KCNQ2: variants seen among roughly 807,000 people sequenced by gnomAD.
KCNQ2 encodes potassium voltage-gated channel subfamily Q member 2.
In KCNQ2, 14 loss-of-function variants were observed where a neutral mutation model predicts 84.8. That is an observed-to-expected ratio of 0.17 (90% CI 0.11 to 0.26). The LOEUF is 0.26. Among genes scored for constraint, KCNQ2 ranks in the 10% least tolerant of loss-of-function variants. The pLI is 1.00. For missense variants in KCNQ2, 788 were observed against 1,254.0 expected (o/e 0.63, Z 5.61); for synonymous variants, 599 against 554.1 (o/e 1.08, Z -1.14).
Position 63,414,005 on chromosome 20 carries a change from C to A in KCNQ2, c.1631+83G>T, listed in dbSNP as rs2080206339. The A allele has an allele frequency of 1.9e-6, 2 of 1,046,652 alleles. No individual in the cohort carries two copies. The highest frequency in any genetic ancestry group is 1.7e-5 in the Admixed American group (1 of 57,710). 64.8% of individuals were successfully genotyped at this position (1,046,652 alleles called of 1,614,324 possible). On this transcript the variant is annotated intron_variant, in intron 14 of 16. Coordinates refer to ENST00000359125, the MANE Select transcript of KCNQ2 (RefSeq NM_172107.4). This position sits in a 1 kb window ranked among gnomAD's most constrained non-coding sequence, Gnocchi z 6.6. ...GTCTCTGGGCGGCTCTGTCCAGCAC[C>A]ATGAGCACCGGCAGCAGGCAGGACC...
Position 63,472,287 on chromosome 20 carries a change from C to T in KCNQ2, c.177G>A (p.Ala59=). 1 of 1,538,390 alleles carries T rather than the reference C, an allele frequency of 6.5e-7. No individual in the cohort carries two copies. Among genetic ancestry groups the T allele is most frequent in the Non-Finnish European group, 8.8e-7 (1 of 1,142,480 alleles). The change falls in exon 1 of 17, where the codon GCG becomes GCA. Residue 59 remains alanine (A), a synonymous_variant. Coordinates refer to ENST00000359125, the MANE Select transcript of KCNQ2 (RefSeq NM_172107.4). The part of the protein sequence containing the change: ...KRGSILSKPR[A]GGAGAGKPPK... Reference sequence around the variant, plus strand: ...GGGGCTTCCCGGCGCCCGCGCCGCCCGCGCGAGGTTTGCTGAGGATGCTGC... The same window carrying T: ...GGGGCTTCCCGGCGCCCGCGCCGCCTGCGCGAGGTTTGCTGAGGATGCTGC...
In KCNQ2 at chr20:63,424,200, G is replaced by A. The variant is rs1060503977; in HGVS notation, c.1224C>T (p.Asp408=). The part of the protein sequence containing the change: ...KSKSGLAFRK[D]PPPEPSPSKG... The stretch of plus-strand genomic sequence containing the variant: ...ACCTTGGAGACGGCTCCGGCGGGGG[G>A]TCCTTCCTTCAAACAGAAGCAACAG... The change falls in exon 11 of 17, where the codon GAC becomes GAT. Residue 408 remains aspartate (D), a synonymous_variant. Coordinates refer to ENST00000359125, the MANE Select transcript of KCNQ2 (RefSeq NM_172107.4). The A allele has an allele frequency of 1.9e-6, 3 of 1,555,582 alleles. No homozygotes were observed. The highest frequency in any genetic ancestry group is 1.4e-5 in the African/African-American group (1 of 73,708).
At chr20:63,449,913 C>T (rs1039345159) in intron 1 of KCNQ2, among the ~76,000 whole-genome samples, 5 of 152,118 alleles carry the variant, frequency 3.3e-5, no homozygotes, top group South Asian at 2.1e-4. Flanking sequence ...AATTGGAGCA[C>T]GTAATTGGGC....
intron 2 of KCNQ2, 41 bp from the exon 3 acceptor site, chr20:63,445,405 G>A (rs1340892873): frequency 3.1e-6 from 5 of 1,609,548 alleles, no homozygotes. Flanking sequence ...AGGCCTGGGG[G>A]AGGGCCTGGG....
Position 63,454,689 on chromosome 20 carries a change from C to T in KCNQ2, c.297-7852G>A, listed in dbSNP as rs568199819. Among the ~76,000 whole-genome samples the T allele has an allele frequency of 2.6e-5, 4 of 152,378 alleles. No homozygotes were observed. In the East Asian group the frequency reaches 7.7e-4, roughly 29 times the overall value. On this transcript the variant is annotated intron_variant, in intron 1 of 16. Coordinates refer to ENST00000359125, the MANE Select transcript of KCNQ2 (RefSeq NM_172107.4). ...CATCTTAGAGAAGGGGAAACTGAGG[C>T]TCACTGAGGCAGGTGAGGGCCTCTG...
intron 1 of KCNQ2, 66 bp downstream of exon 1, chr20:63,472,102 T>C (rs2082230598): frequency 1.6e-6 from 2 of 1,223,282 alleles, no homozygotes; most frequent in Admixed American, 6.1e-5. Flanking sequence ...CTGGCCGGGG[T>C]CGCCGATGGG....
chr20:63,415,762 C>T (rs2080278469), intron 12 of KCNQ2, among the ~76,000 whole-genome samples: 1 of 152,198 alleles, frequency 6.6e-6, no homozygotes. Flanking sequence ...AACACCGGGG[C>T]TGTGGCTCTT....
At chr20:63,423,384 T>TGGGGCACAG (rs978215559) in intron 11 of KCNQ2, 5 of 152,192 alleles carry the variant, frequency 3.3e-5, no homozygotes, top group Non-Finnish European at 4.4e-5. Flanking sequence ...AACATGTGGA[T>TGGGGCACAG]GGGGCACAGG....
intron 4 of KCNQ2, among the ~76,000 whole-genome samples, chr20:63,443,108 C>CCACTAT (rs1461393543): frequency 5.3e-4 from 30 of 56,124 alleles, no homozygotes; most frequent in African/African-American, 1.8e-3. Flanking sequence ...ATCACCATCA[C>CCACTAT]CACCACCACT....
intron 1 of KCNQ2, among the ~76,000 whole-genome samples, chr20:63,456,350 C>A (rs1225934930): frequency 2.6e-5 from 4 of 152,232 alleles, no homozygotes; most frequent in African/African-American, 9.6e-5. Context: ...GGTCTGGGCC[C>A]CCCGAGTCAG....
chr20:63,411,342 A>G (rs1657774513), intron 15 of KCNQ2, among the ~76,000 whole-genome samples: 1 of 152,168 alleles, frequency 6.6e-6, no homozygotes, highest in South Asian at 2.1e-4. Flanking sequence ...CACAGTGGGC[A>G]GGTGCTGAGG....
intron 9 of KCNQ2, among the ~76,000 whole-genome samples, chr20:63,429,530 TG>T (rs1489359046): frequency 6.6e-6 from 1 of 152,080 alleles, no homozygotes; most frequent in Non-Finnish European, 1.5e-5. Flanking sequence ...GTCCTCCCTC[TG>T]CCCCAGGCTG....
In KCNQ2 at chr20:63,405,515, G is replaced by C. The variant is rs1170637074; in HGVS notation, c.*1129C>G. Reference sequence around the variant, plus strand: ...AGAGCTAGGGAGGGCGCACAGCTGGGCTGAGGTGGGAGTGGTTTCCTCCGG... The same window carrying C: ...AGAGCTAGGGAGGGCGCACAGCTGGCCTGAGGTGGGAGTGGTTTCCTCCGG... On this transcript the variant is annotated 3_prime_UTR_variant, in exon 17 of 17. Transcript: ENST00000359125. 1 of 152,604 alleles carries C rather than the reference G, an allele frequency of 6.6e-6. No individual in the cohort carries two copies. The highest frequency in any genetic ancestry group is 1.5e-5 in the Non-Finnish European group (1 of 68,338). 9.5% of individuals were successfully genotyped at this position (152,604 alleles called of 1,614,324 possible).
Position 63,413,497 on chromosome 20 carries a change from T to C in KCNQ2, c.1716A>G (p.Ser572=), listed in dbSNP as rs1455629478. Residue 572 remains serine (S), a synonymous_variant, in exon 15 of 17, where the codon TCA becomes TCG. Coordinates refer to ENST00000359125, the MANE Select transcript of KCNQ2 (RefSeq NM_172107.4). The part of the protein sequence containing the change: ...YDVMDVIEQY[S]AGHLDMLSRI... ...GGGACAGCATGTCCAGGTGGCCGGC[T>C]GAGTACTGCTCGATGACGTCCATCA... The C allele has an allele frequency of 6.2e-7, 1 of 1,613,484 alleles. No homozygotes were observed.
At position 63,400,286 on chromosome 20, in the gene KCNQ2, C is replaced by T. The variant is rs2079782805; in HGVS notation, c.*6358G>A. 4.2e-6 allele frequency: 1 copy of T among 237,228 alleles called. No homozygotes were observed. Among genetic ancestry groups the T allele is most frequent in the East Asian group, 8.3e-5 (1 of 12,040 alleles). 14.7% of individuals were successfully genotyped at this position (237,228 alleles called of 1,614,324 possible). A position where few individuals can be genotyped will look rare whatever the true frequency, so the allele number is the denominator to read the frequency against. On this transcript the variant is annotated 3_prime_UTR_variant, in exon 17 of 17. Coordinates refer to ENST00000359125, the MANE Select transcript of KCNQ2 (RefSeq NM_172107.4). This position sits in a 1 kb window ranked among gnomAD's most constrained non-coding sequence, Gnocchi z 8.7. Reference sequence around the variant, plus strand: ...ACTCGTCCCCGTGGCAGCAGGGATCCCCAGAACCTTCCACGGCCATCGCGG... The same window carrying T: ...ACTCGTCCCCGTGGCAGCAGGGATCTCCAGAACCTTCCACGGCCATCGCGG...
chr20:63,407,224 A>C lies in KCNQ2; in HGVS notation c.2039T>G (p.Val680Gly), dbSNP rs2145487852. Residue 680 changes from valine (V) to glycine (G), a missense_variant, in exon 17 of 17, where the codon GTC becomes GGC. By Grantham distance (109) the Val-to-Gly change is moderately radical. This residue lies in a region of KCNQ2 where 378 missense variants were observed against 434.5 expected (regional missense o/e 0.87). Transcript: ENST00000359125. The surrounding 1 kb of genome is among the most constrained non-coding windows in gnomAD (Gnocchi z 7.2). Reference protein sequence around the residue: ...YHSPEDSREHVDRHGCIVKIV... With the variant: ...YHSPEDSREHGDRHGCIVKIV... ...CTTGACAATGCAGCCGTGCCTGTCG[A>C]CATGCTCCCGGCTGTCTTCCGGGCT... 1 of 1,604,226 alleles carries C rather than the reference A, an allele frequency of 6.2e-7. No homozygotes were observed. Among genetic ancestry groups the C allele is most frequent in the Non-Finnish European group, 8.5e-7 (1 of 1,179,486 alleles).
chr20:63,446,659 C>T lies in KCNQ2; in HGVS notation c.387+88G>A. On this transcript the variant is annotated intron_variant, in intron 2 of 16. Transcript: ENST00000359125. The surrounding 1 kb of genome is among the most constrained non-coding windows in gnomAD (Gnocchi z 5.5). ...GCTGGGGCTGGGGGCGTCAGAGGCC[C>T]TGTAGTAACAGGAACGGAAGACAGA... 2.7e-6 allele frequency: 3 copies of T among 1,126,726 alleles called. No homozygotes were observed. Among genetic ancestry groups the T allele is most frequent in the Non-Finnish European group, 2.7e-6 (2 of 740,774 alleles). The allele number at this position is 1,126,726 out of a possible 1,614,324, so 69.8% of individuals were successfully genotyped here. A position where few individuals can be genotyped will look rare whatever the true frequency, so the allele number is the denominator to read the frequency against.
At chr20:63,443,289 T>TCAC (rs2081295233) in intron 4 of KCNQ2, among the ~76,000 whole-genome samples, 1 of 17,152 alleles carries the variant, frequency 5.8e-5, no homozygotes, top group African/African-American at 2.4e-4. Flanking sequence ...ACCATCACCA[T>TCAC]CATCACCACC....
chr20:63,461,131 T>G (rs904642247), intron 1 of KCNQ2: 4 of 152,170 alleles, frequency 2.6e-5, no homozygotes, highest in Non-Finnish European at 5.9e-5. Context: ...TACTTTGCAG[T>G]CAGAAGAAAA....
Sources: gnomAD v4.1 joint callset for allele counts (sites outside exome capture counted in the v4.1 genomes callset) on GRCh38, gnomAD v4.1.1 for gene constraint, gnomAD v4.1.1 regional missense constraint, Gnocchi (gnomAD v3.1) non-coding constraint, MANE v1.5 for transcripts, NCBI Gene and HGNC (gene_info 2026-07-23, HGNC 2026-07-21) for gene names.